CLEC1A: variants seen among roughly 807,000 people sequenced by gnomAD.
CLEC1A encodes C-type lectin-like receptor-1.
Under a neutral mutation model 28.7 loss-of-function variants are expected in CLEC1A, and 34 were observed. That is an observed-to-expected ratio of 1.18 (90% CI 0.90 to 1.57). The LOEUF is 1.57. CLEC1A is among the 40% of genes most tolerant of loss of function. The probability of loss-of-function intolerance (pLI) is 0.00; values close to 1 mark genes in which losing one functional copy is unlikely to be tolerated. For missense variants in CLEC1A, 385 were observed against 339.5 expected, an observed-to-expected ratio of 1.13 and a Z score of -1.05; for synonymous variants, 116 against 121.0, an observed-to-expected ratio of 0.96 and a Z score of 0.27.
chr12:10,075,398 C>T (rs544895160), intron 4 of CLEC1A, 106 bp downstream of exon 4: 15 of 1,230,438 alleles, frequency 1.2e-5, no homozygotes, highest in East Asian at 7.0e-5. Context: ...GAAACAGGTT[C>T]GAAAACCTGT....
At chr12:10,071,615 C>G in intron 5 of CLEC1A, 102 bp from the exon 6 acceptor site, 1 of 955,970 alleles carries the variant, frequency 1.0e-6, no homozygotes. Flanking sequence ...GTCTAGATAC[C>G]AGAATAAGTT....
At chr12:10,096,605 C>A (rs11053579) in intron 1 of CLEC1A, among the ~76,000 whole-genome samples, 114,914 of 152,062 alleles carry the variant, frequency 0.76, 45,148 homozygotes, top group Non-Finnish European at 0.88. Context: ...TAGAATTAAA[C>A]TAGATCAGCA....
intron 2 of CLEC1A, among the ~76,000 whole-genome samples, chr12:10,086,827 C>T (rs144456767): frequency 1.3e-5 from 2 of 152,184 alleles, no homozygotes; most frequent in Admixed American, 1.3e-4. Flanking sequence ...CACACTAATA[C>T]CAAAACCAGG....
intron 1 of CLEC1A, among the ~76,000 whole-genome samples, chr12:10,090,875 G>A (rs1407978388): frequency 6.6e-6 from 1 of 151,796 alleles, no homozygotes; most frequent in African/African-American, 2.4e-5. Flanking sequence ...AACTTCAAAA[G>A]CTTTATTGCA....
At position 10,072,253 on chromosome 12, in the gene CLEC1A, G is replaced by T. The variant is rs535530910; in HGVS notation, c.663-740C>A. 1.1e-3 allele frequency among the ~76,000 whole-genome samples: 160 copies of T among 152,162 alleles called. 1 individual carries two copies. The highest frequency in any genetic ancestry group is 3.6e-3 in the African/African-American group (151 of 41,518). On this transcript the variant is annotated intron_variant, in intron 5 of 5. Transcript: ENST00000315330. The stretch of plus-strand genomic sequence containing the variant: ...TGCTTCGCCTTCTGCCATGAGTAAA[G>T]CTCCCTGAAGCCTCCTCAGAAGCCA...
At chr12:10,096,149 C>A (rs182312870) in intron 1 of CLEC1A, among the ~76,000 whole-genome samples, 2 of 152,122 alleles carry the variant, frequency 1.3e-5, no homozygotes, top group Admixed American at 6.6e-5. Flanking sequence ...CCTGCATATA[C>A]GGGTGTCTTT....
At chr12:10,087,559 C>T (rs1302129523) in intron 2 of CLEC1A, among the ~76,000 whole-genome samples, 7 of 134,200 alleles carry the variant, frequency 5.2e-5, no homozygotes, top group African/African-American at 2.0e-4. Context: ...ACTCTGTCAC[C>T]TAGGCTGGAG....
rs138110293 is a variant in CLEC1A, at chr12:10,071,422, A to G, written c.754T>C (p.Leu252=). 1.9e-6 allele frequency: 3 copies of G among 1,613,888 alleles called. No homozygotes were observed. Among genetic ancestry groups the G allele is most frequent in the African/African-American group, 2.7e-5 (2 of 74,904 alleles). ...CTTCTCTCACAGACACAACGCTTCAATTCTTTGCAGTCCTTTGAGAAGATC... is the reference window on the plus strand; with the variant it reads ...CTTCTCTCACAGACACAACGCTTCAGTTCTTTGCAGTCCTTTGAGAAGATC... ...GMIFSKDCKE[L]KRCVCERRAG... Residue 252 remains leucine, a synonymous_variant, in exon 6 of 6, where the codon TTG becomes CTG. Transcript: ENST00000315330.
intron 2 of CLEC1A, among the ~76,000 whole-genome samples, chr12:10,086,682 T>A (rs4595634): frequency 0.78 from 119,192 of 152,104 alleles, 48,047 homozygotes; most frequent in Middle Eastern, 0.88. Flanking sequence ...GCCAACAAAT[T>A]AAAGTCCATT....
At position 10,091,628 on chromosome 12, in the gene CLEC1A, G is replaced by A. The variant is rs532209355; in HGVS notation, c.116-2406C>T. On this transcript the variant is annotated intron_variant, in intron 1 of 5. Transcript: ENST00000315330. ...AGATGGTTTTCTCGTGGTATTGACTGTAAAAGTATTTCAGATCAGCAGAAC... is the reference window on the plus strand; with the variant it reads ...AGATGGTTTTCTCGTGGTATTGACTATAAAAGTATTTCAGATCAGCAGAAC... 2.7e-5 allele frequency among the ~76,000 whole-genome samples: 4 copies of A among 148,484 alleles called. 1 individual carries two copies. In the South Asian group the frequency reaches 8.6e-4, roughly 32 times the overall value.
At chr12:10,082,310 G>C (rs1349090987) in intron 2 of CLEC1A, among the ~76,000 whole-genome samples, 1 of 152,138 alleles carries the variant, frequency 6.6e-6, no homozygotes, top group Admixed American at 6.5e-5. Context: ...CCCCAGGCAT[G>C]AGCTGCCAGG....
At chr12:10,085,459 C>T (rs1866470129) in intron 2 of CLEC1A, among the ~76,000 whole-genome samples, 1 of 150,706 alleles carries the variant, frequency 6.6e-6, no homozygotes, top group Admixed American at 6.6e-5. Flanking sequence ...AAAAGATATT[C>T]CACGCAAATG....
chr12:10,085,687 TA>T (rs1237186028), intron 2 of CLEC1A, among the ~76,000 whole-genome samples: 8 of 151,878 alleles, frequency 5.3e-5, no homozygotes, highest in African/African-American at 1.5e-4. Flanking sequence ...CTACTAGACC[TA>T]AAAAAATGAG....
At chr12:10,076,370 C>T (rs1481517863) in intron 3 of CLEC1A, among the ~76,000 whole-genome samples, 2 of 152,000 alleles carry the variant, frequency 1.3e-5, no homozygotes, top group East Asian at 1.9e-4. Flanking sequence ...ATTTTAAAAG[C>T]GATCTAGTTA....
At chr12:10,094,596 C>T (rs1354050939) in intron 1 of CLEC1A, among the ~76,000 whole-genome samples, 1 of 151,796 alleles carries the variant, frequency 6.6e-6, no homozygotes, top group Admixed American at 6.6e-5. Context: ...CTAAGTTGCA[C>T]AGAGCTACCC....
rs767163642 is a variant in CLEC1A at position 10,071,469 on chromosome 12, C to CA, written c.706dup (p.Cys236LeufsTer6). The CA allele has an allele frequency of 3.7e-6, 6 of 1,613,422 alleles. No individual in the cohort carries two copies. In the African/African-American group the frequency reaches 8.0e-5, roughly 22 times the overall value. On this transcript the variant is annotated frameshift_variant, in exon 6 of 6. Transcript: ENST00000315330. LOFTEE classifies it low-confidence loss of function (END_TRUNC). ...GATCATCCCATTAAGGATGGCCACA[C>CA]AGTCTCTGCTTCTTGGGCTGGTGAC...
Position 10,071,637 on chromosome 12 carries a change from T to C in CLEC1A, c.663-124A>G, listed in dbSNP as rs1866137355. 6.9e-6 allele frequency: 5 copies of C among 727,566 alleles called. No homozygotes were observed. In the South Asian group the frequency reaches 1.4e-4, roughly 21 times the overall value. 45.1% of individuals were successfully genotyped at this position (727,566 alleles called of 1,614,324 possible). ...TACCAGAATAAGTTTACCGGGAAACTGGGGTCATGTGCCTCTTTCTCTTCA... is the reference window on the plus strand; with the variant it reads ...TACCAGAATAAGTTTACCGGGAAACCGGGGTCATGTGCCTCTTTCTCTTCA... On this transcript the variant is annotated intron_variant, in intron 5 of 5. Transcript: ENST00000315330.
intron 5 of CLEC1A, among the ~76,000 whole-genome samples, chr12:10,072,044 C>T (rs924718073): frequency 1.3e-5 from 2 of 152,086 alleles, no homozygotes; most frequent in African/African-American, 2.4e-5. Flanking sequence ...GAGATGGGGC[C>T]TGGTGGGAGG....
chr12:10,073,313 T>A lies in CLEC1A; in HGVS notation c.642A>T (p.Gly214=). The A allele has an allele frequency of 6.2e-7, 1 of 1,612,420 alleles. No individual in the cohort carries two copies. The highest frequency in any genetic ancestry group is 8.5e-7 in the Non-Finnish European group (1 of 1,178,472). The change falls in exon 5 of 6, where the codon GGA becomes GGT. Residue 214 remains glycine (G), a synonymous_variant. Coordinates refer to ENST00000315330, the MANE Select transcript of CLEC1A (RefSeq NM_016511.4). ...CTTACAGTTCAGAAGTGAAAGGGGTTCCATCCATCCACAGCCAGGCCTTGC... is the reference window on the plus strand; with the variant it reads ...CTTACAGTTCAGAAGTGAAAGGGGTACCATCCATCCACAGCCAGGCCTTGC... ...DSGKAWLWMD[G]TPFTSELFHI...
Sources: allele counts gnomAD v4.1 joint callset (sites outside exome capture counted in the v4.1 genomes callset), GRCh38; gene constraint gnomAD v4.1.1; transcripts MANE v1.5; gene names NCBI Gene and HGNC (gene_info 2026-07-23, HGNC 2026-07-21).